Variants in DYNLT2B observed in about 807,000 individuals in gnomAD.
The protein encoded by DYNLT2B is dynein light chain Tctex-type protein 2B.
A neutral mutation model predicts 19.5 loss-of-function variants in DYNLT2B; 14 were observed. The ratio of observed to expected loss-of-function variants is 0.72; its 90% CI spans 0.47 to 1.12. DYNLT2B has a LOEUF of 1.12. Ranked by LOEUF, DYNLT2B falls within the 50% of genes most tolerant of loss-of-function variation. DYNLT2B has a pLI of 0.00. For synonymous variants in DYNLT2B, 70 were observed against 59.7 expected (o/e 1.17, Z -0.79); for missense variants, 133 against 174.7 (o/e 0.76, Z 1.35).
At chr3:196,300,859 A>G (rs1726337137) in intron 3 of DYNLT2B, among the ~76,000 whole-genome samples, 1 of 151,810 alleles carries the variant, frequency 6.6e-6, no homozygotes, top group South Asian at 2.1e-4. Flanking sequence ...GGACTTCAAG[A>G]CCAGCCTGGG....
At chr3:196,296,335 G>A (rs938288543) in intron 3 of DYNLT2B, 1 of 350,902 alleles carries the variant, frequency 2.8e-6, no homozygotes, top group Non-Finnish European at 5.2e-6. Flanking sequence ...ATGGCTACAG[G>A]GATCAATACT....
intron 3 of DYNLT2B, among the ~76,000 whole-genome samples, chr3:196,296,460 A>G (rs1216042696): frequency 6.6e-6 from 1 of 152,216 alleles, no homozygotes; most frequent in Non-Finnish European, 1.5e-5. Flanking sequence ...AGAGTCCCAG[A>G]AAAAGGAGCA....
chr3:196,291,760 G>A (rs538837739), intron 4 of DYNLT2B, among the ~76,000 whole-genome samples: 131 of 152,314 alleles, frequency 8.6e-4, no homozygotes, highest in African/African-American at 2.9e-3. Flanking sequence ...GATCATAGGC[G>A]TGAGCCACCT....
At chr3:196,297,814 C>T (rs930471370) in intron 3 of DYNLT2B, among the ~76,000 whole-genome samples, 1 of 152,144 alleles carries the variant, frequency 6.6e-6, no homozygotes, top group Non-Finnish European at 1.5e-5. Flanking sequence ...ACAACCCATA[C>T]CCACAGAGAA....
intron 3 of DYNLT2B, among the ~76,000 whole-genome samples, chr3:196,305,340 T>C (rs144328959): frequency 7.3e-4 from 111 of 152,218 alleles, no homozygotes; most frequent in African/African-American, 2.6e-3. Context: ...CTCAAACCTA[T>C]GGCTAATTAA....
chr3:196,316,224 G>C lies in DYNLT2B; in HGVS notation c.121C>G (p.Pro41Ala), dbSNP rs769690582. Residue 41 changes from proline (P) to alanine (A), a missense_variant, in exon 2 of 5, where the codon CCC becomes GCC. By Grantham distance (27) the Pro-to-Ala change is conservative. Transcript: ENST00000325318. Reference protein sequence around the residue: ...LRPVFQQRFRPSVVKDCIHAV... With the variant: ...LRPVFQQRFRASVVKDCIHAV... ...TGGATACAGTCTTTAACCACAGAGGGCCTGAACCTGAATGGAACAATTTGT... is the reference window on the plus strand; with the variant it reads ...TGGATACAGTCTTTAACCACAGAGGCCCTGAACCTGAATGGAACAATTTGT... The C allele has an allele frequency of 6.2e-7, 1 of 1,607,780 alleles. No homozygotes were observed. Among genetic ancestry groups the C allele is most frequent in the African/African-American group, 1.3e-5 (1 of 74,908 alleles).
chr3:196,294,122 C>A (rs897249070), intron 4 of DYNLT2B, among the ~76,000 whole-genome samples: 2 of 151,950 alleles, frequency 1.3e-5, no homozygotes, highest in African/African-American at 4.8e-5. Flanking sequence ...GAGGCCGAGG[C>A]GGGCCGATCA....
chr3:196,293,713 C>T (rs181076885), intron 4 of DYNLT2B, among the ~76,000 whole-genome samples: 59 of 143,304 alleles, frequency 4.1e-4, no homozygotes, highest in Admixed American at 4.4e-4. Context: ...GGCACAATCT[C>T]GCCTCACTGC....
intron 3 of DYNLT2B, among the ~76,000 whole-genome samples, chr3:196,304,028 A>G (rs1353992460): frequency 1.3e-5 from 2 of 152,202 alleles, no homozygotes; most frequent in Non-Finnish European, 2.9e-5. Flanking sequence ...TCTCAATAGC[A>G]TAATTACTAT....
At chr3:196,306,454 GA>G (rs544357873) in intron 3 of DYNLT2B, among the ~76,000 whole-genome samples, 3 of 151,388 alleles carry the variant, frequency 2.0e-5, no homozygotes, top group African/African-American at 7.3e-5. Flanking sequence ...AGAAAAGAAA[GA>G]AAACACATAC....
intron 4 of DYNLT2B, chr3:196,292,401 G>A (rs910738030): frequency 6.6e-6 from 1 of 152,180 alleles, no homozygotes; most frequent in Non-Finnish European, 1.5e-5. Flanking sequence ...CTCCTTGGGT[G>A]GATAACTCTG....
At chr3:196,301,846 C>T (rs1008085401) in intron 3 of DYNLT2B, among the ~76,000 whole-genome samples, 7 of 151,778 alleles carry the variant, frequency 4.6e-5, no homozygotes, top group African/African-American at 1.7e-4. Context: ...AATTCCCAAA[C>T]TGAAAGATAC....
chr3:196,296,928 A>T (rs1187858357), intron 3 of DYNLT2B, among the ~76,000 whole-genome samples: 1 of 148,624 alleles, frequency 6.7e-6, no homozygotes, highest in African/African-American at 2.5e-5. Context: ...CCTGGCTCTT[A>T]AAAAAAAAAC....
chr3:196,301,589 A>G (rs1726352887), intron 3 of DYNLT2B, among the ~76,000 whole-genome samples: 1 of 151,978 alleles, frequency 6.6e-6, no homozygotes, highest in Admixed American at 6.6e-5. Context: ...GGTGGGCACC[A>G]GTAATCCCAA....
At chr3:196,317,933 A>ACCCCGCGCGTC (rs1219404177) in intron 1 of DYNLT2B, 107 bp downstream of exon 1, 3 of 488,054 alleles carry the variant, frequency 6.1e-6, no homozygotes, top group Non-Finnish European at 9.3e-6. Context: ...CGCCCCGCGG[A>ACCCCGCGCGTC]CCCCGCGCGT....
At chr3:196,317,144 A>AT (rs1174125788) in intron 1 of DYNLT2B, among the ~76,000 whole-genome samples, 1 of 68,494 alleles carries the variant, frequency 1.5e-5, no homozygotes. Flanking sequence ...TGAGCCTGAC[A>AT]TTTTTTTTCA....
intron 3 of DYNLT2B, 99 bp from the exon 4 acceptor site, chr3:196,296,168 G>A (rs1419127819): frequency 9.8e-7 from 1 of 1,016,270 alleles, no homozygotes; most frequent in Non-Finnish European, 1.5e-6. Context: ...CATTCTCATA[G>A]ATCTGTACTT....
At chr3:196,308,679 G>A (rs547612339) in intron 2 of DYNLT2B, among the ~76,000 whole-genome samples, 119 of 152,178 alleles carry the variant, frequency 7.8e-4, no homozygotes, top group Non-Finnish European at 1.2e-3. Flanking sequence ...ACTGTAAACG[G>A]GACAATCTGA....
Position 196,306,943 on chromosome 3 carries a change from A to C in DYNLT2B, c.317T>G (p.Phe106Cys). 1 of 1,613,312 alleles carries C rather than the reference A, an allele frequency of 6.2e-7. No individual in the cohort carries two copies. Among genetic ancestry groups the C allele is most frequent in the Non-Finnish European group, 8.5e-7 (1 of 1,179,232 alleles). Reference sequence around the variant, plus strand: ...CAAGAAGGAAAATCCAGCTACTCACAATACTCCTTCACCTCTTTGTTCTCC... The same window carrying C: ...CAAGAAGGAAAATCCAGCTACTCACCATACTCCTTCACCTCTTTGTTCTCC... ...VIGEQRGEGV[F>C]MASRCFWDAD... Residue 106 changes from phenylalanine to cysteine, a missense_variant and splice_region_variant, in exon 3 of 5, where the codon TTC (phenylalanine) becomes TGC (cysteine). Physicochemically the swap from Phe to Cys is radical, Grantham distance 205. Coordinates refer to ENST00000325318, the MANE Select transcript of DYNLT2B (RefSeq NM_152773.5).
Sources: allele counts gnomAD v4.1 joint callset (sites outside exome capture counted in the v4.1 genomes callset), GRCh38; gene constraint gnomAD v4.1.1; transcripts MANE v1.5; gene names NCBI Gene and HGNC (gene_info 2026-07-23, HGNC 2026-07-21).